The following PSD2 variants were observed in gnomAD, a reference collection of about 807,000 sequenced individuals.
PSD2 encodes PH and SEC7 domain-containing protein 2.
Under a neutral mutation model 69.8 loss-of-function variants are expected in PSD2, and 38 were observed. The ratio of observed to expected loss-of-function variants is 0.54; its 90% CI spans 0.42 to 0.71. PSD2 has a LOEUF of 0.71. Ranked by LOEUF, PSD2 falls within the 30% of genes least tolerant of loss-of-function variation. PSD2 has a pLI of 0.00. For missense variants in PSD2, 943 were observed against 1,014.5 expected (o/e 0.93, Z 0.96); for synonymous variants, 412 against 423.0 (o/e 0.97, Z 0.32).
Position 139,813,671 on chromosome 5 carries a change from A to C in PSD2, c.734A>C (p.Asn245Thr). 1 of 1,613,934 alleles carries C rather than the reference A, an allele frequency of 6.2e-7. No homozygotes were observed. The highest frequency in any genetic ancestry group is 8.5e-7 in the Non-Finnish European group (1 of 1,179,982). The change falls in exon 3 of 15, where the codon AAT (asparagine) becomes ACT (threonine). Residue 245 changes from asparagine (N) to threonine (T), a missense_variant. Around this residue, in one of 3 missense-constraint regions of PSD2, gnomAD observed 466 missense variants for 445.0 expected, o/e 1.05. Coordinates refer to ENST00000274710, the MANE Select transcript of PSD2 (RefSeq NM_032289.4). ...LSRLSLMAMP[N>T]GFHEDGPQGP... ...CGCCTGTCTCTCATGGCCATGCCCA[A>C]TGGATTCCATGAAGATGGCCCTCAG...
chr5:139,824,447 A>G (rs1198471447), intron 7 of PSD2, among the ~76,000 whole-genome samples: 2 of 126,284 alleles, frequency 1.6e-5, no homozygotes, highest in Non-Finnish European at 3.1e-5. Context: ...CCTAGGCTGG[A>G]GTGCAGTGGC....
At position 139,843,590 on chromosome 5, in the gene PSD2, G is replaced by A. The variant is rs573832746; in HGVS notation, c.*1116G>A. ...GTCAACAAGCCCAAAGATGCTTGTC[G>A]GAGGACGGTTATGGAAGCCCTTAAT... On this transcript the variant is annotated 3_prime_UTR_variant, in exon 15 of 15. Coordinates refer to ENST00000274710, the MANE Select transcript of PSD2 (RefSeq NM_032289.4). 6 of 152,364 alleles carry A rather than the reference G, an allele frequency of 3.9e-5. No homozygotes were observed. Among genetic ancestry groups the A allele is most frequent in the South Asian group, 4.1e-4 (2 of 4,824 alleles). The allele number at this position is 152,364 out of a possible 1,614,324, so 9.4% of individuals were successfully genotyped here.
At chr5:139,813,157 T>G (rs1760015354) in intron 2 of PSD2, 152 bp from the exon 3 acceptor site, 1 of 615,452 alleles carries the variant, frequency 1.6e-6, no homozygotes, top group Admixed American at 2.9e-5. Context: ...TCTGGCACCT[T>G]GTGCTCAGTT....
chr5:139,821,181 A>G (rs988471316), intron 5 of PSD2, among the ~76,000 whole-genome samples: 1 of 151,838 alleles, frequency 6.6e-6, no homozygotes, highest in African/African-American at 2.4e-5. Context: ...GATCTGCCCA[A>G]CTCGGCCTCC....
At chr5:139,830,111 C>G (rs568046465) in intron 7 of PSD2, among the ~76,000 whole-genome samples, 1 of 150,250 alleles carries the variant, frequency 6.7e-6, no homozygotes, top group African/African-American at 2.4e-5. Flanking sequence ...TTGTGTTTCT[C>G]TAATGATTAG....
At chr5:139,834,753 A>G (rs571505031) in intron 8 of PSD2, among the ~76,000 whole-genome samples, 1 of 152,194 alleles carries the variant, frequency 6.6e-6, no homozygotes, top group South Asian at 2.1e-4. Context: ...ACCATTGAGA[A>G]GCGTTTGTTA....
At chr5:139,813,792 G>T in intron 3 of PSD2, 34 bp downstream of exon 3, 6 of 1,549,500 alleles carry the variant, frequency 3.9e-6, no homozygotes, top group Non-Finnish European at 5.2e-6. Flanking sequence ...GAACCACCGA[G>T]CAGATGGGGA....
chr5:139,781,808 A>G, the PSD2 span, among the ~76,000 whole-genome samples: 3 of 151,766 alleles, frequency 2.0e-5, no homozygotes, highest in Non-Finnish European at 4.4e-5. Flanking sequence ...TAATTTTTGT[A>G]TTTTTAGCAG....
the PSD2 span, among the ~76,000 whole-genome samples, chr5:139,780,501 T>C: frequency 6.6e-6 from 1 of 152,212 alleles, no homozygotes; most frequent in Non-Finnish European, 1.5e-5. Context: ...TGGAGTGCAG[T>C]GGCGTGATCT....
chr5:139,796,567 A>T (rs768801042), intron 1 of PSD2, among the ~76,000 whole-genome samples: 5 of 152,202 alleles, frequency 3.3e-5, no homozygotes, highest in Non-Finnish European at 5.9e-5. Context: ...GAGGAGGCAC[A>T]TAATGGCCGA....
At chr5:139,838,412 C>T (rs1417601576) in intron 12 of PSD2, among the ~76,000 whole-genome samples, 1 of 152,178 alleles carries the variant, frequency 6.6e-6, no homozygotes, top group Admixed American at 6.5e-5. Context: ...CATGAGAATT[C>T]GGGTGTGCCT....
chr5:139,807,844 G>C (rs1759851018), intron 1 of PSD2, among the ~76,000 whole-genome samples: 1 of 152,192 alleles, frequency 6.6e-6, no homozygotes, highest in South Asian at 2.1e-4. Context: ...GCCTACCCCA[G>C]TGTTCCCACA....
At chr5:139,775,557 G>A in the PSD2 span, 1 of 152,514 alleles carries the variant, frequency 6.6e-6, no homozygotes, top group Non-Finnish European at 1.5e-5. Flanking sequence ...TCACTCAGCA[G>A]GGGAATTCAG....
chr5:139,830,439 C>T (rs1377269942), intron 7 of PSD2, among the ~76,000 whole-genome samples: 2 of 150,262 alleles, frequency 1.3e-5, no homozygotes, highest in Non-Finnish European at 3.0e-5. Context: ...CAGCCTCAAC[C>T]GCCTGGGCTC....
At position 139,838,672 on chromosome 5, in the gene PSD2, T is replaced by A. The variant is rs1760798655; in HGVS notation, c.1868T>A (p.Val623Glu). The part of the protein sequence containing the change: ...MLSWILRINL[V>E]AAIFSAPAFP... The stretch of plus-strand genomic sequence containing the variant: ...TCCTGGATCCTCAGGATCAACCTGG[T>A]GGCAGCCATCTTCTCTGCCCCGGCC... Residue 623 changes from valine to glutamate, a missense_variant, in exon 13 of 15, where the codon GTG becomes GAG. Around this residue, in one of 3 missense-constraint regions of PSD2, gnomAD observed 312 missense variants for 400.7 expected, o/e 0.78. Coordinates refer to ENST00000274710, the MANE Select transcript of PSD2 (RefSeq NM_032289.4). 6.2e-7 allele frequency: 1 copy of A among 1,614,014 alleles called. No individual in the cohort carries two copies. The highest frequency in any genetic ancestry group is 8.5e-7 in the Non-Finnish European group (1 of 1,179,926).
intron 2 of PSD2, among the ~76,000 whole-genome samples, chr5:139,812,165 C>T (rs986113463): frequency 3.3e-5 from 5 of 152,034 alleles, no homozygotes; most frequent in South Asian, 2.1e-4. Context: ...GGGAGACCGA[C>T]GATAAATATT....
chr5:139,796,335 TG>T (rs1474790781), intron 1 of PSD2, among the ~76,000 whole-genome samples: 2 of 151,662 alleles, frequency 1.3e-5, no homozygotes, highest in Non-Finnish European at 2.9e-5. Context: ...TTGTATAATC[TG>T]GGGGTACGCG....
chr5:139,792,415 T>C (rs1398794443), upstream of PSD2, among the ~76,000 whole-genome samples: 1 of 152,126 alleles, frequency 6.6e-6, no homozygotes, highest in Non-Finnish European at 1.5e-5. Flanking sequence ...CCATGCCCAA[T>C]GCAGCTGGCC....
intron 1 of PSD2, among the ~76,000 whole-genome samples, chr5:139,799,639 T>G (rs988496073): frequency 2.0e-5 from 3 of 151,622 alleles, no homozygotes; most frequent in Admixed American, 2.0e-4. Flanking sequence ...GGCCAGCACA[T>G]GGGAAAGAGA....
Sources: gnomAD v4.1 joint callset for allele counts (sites outside exome capture counted in the v4.1 genomes callset) on GRCh38, gnomAD v4.1.1 for gene constraint, gnomAD v4.1.1 regional missense constraint, MANE v1.5 for transcripts, NCBI Gene and HGNC (gene_info 2026-07-23, HGNC 2026-07-21) for gene names.